The following MGRN1 variants were observed in gnomAD, a reference collection of about 807,000 sequenced individuals.
MGRN1 encodes E3 ubiquitin-protein ligase MGRN1.
Under a neutral mutation model 69.2 loss-of-function variants are expected in MGRN1, and 29 were observed. That is an observed-to-expected ratio of 0.42 (90% CI 0.31 to 0.57). The LOEUF (loss-of-function observed/expected upper bound fraction) is 0.57, where lower values mean the gene tolerates loss of function less well. Among genes scored for constraint, MGRN1 ranks in the 20% least tolerant of loss-of-function variants. MGRN1 has a pLI of 0.15. For missense variants in MGRN1, 998 were observed against 796.2 expected, an observed-to-expected ratio of 1.25 and a Z score of -3.05; for synonymous variants, 470 against 344.2, an observed-to-expected ratio of 1.37 and a Z score of -4.04.
chr16:4,666,921 C>G (rs1030712970), intron 7 of MGRN1, among the ~76,000 whole-genome samples: 3 of 152,212 alleles, frequency 2.0e-5, no homozygotes, highest in African/African-American at 7.2e-5. Context: ...GGGGTTGCTG[C>G]CCACCTGGCA....
At chr16:4,662,194 G>T (rs2078698113) in intron 5 of MGRN1, among the ~76,000 whole-genome samples, 1 of 152,144 alleles carries the variant, frequency 6.6e-6, no homozygotes, top group African/African-American at 2.4e-5. Context: ...ATGTTAGGAA[G>T]AAACATTTCC....
intron 1 of MGRN1, among the ~76,000 whole-genome samples, chr16:4,646,565 A>T (rs946253723): frequency 1.3e-5 from 2 of 152,006 alleles, no homozygotes; most frequent in East Asian, 3.9e-4. Context: ...GGACCTCTCC[A>T]TGGGGCTGCT....
chr16:4,683,783 A>AGGGACCTGCC (rs2079244052), intron 15 of MGRN1, 60 bp from the exon 16 acceptor site: 2 of 1,495,642 alleles, frequency 1.3e-6, no homozygotes, highest in Non-Finnish European at 1.8e-6. Context: ...TCCTGCCCAG[A>AGGGACCTGCC]GGGACCTGCC....
chr16:4,659,498 G>A (rs1313451240), intron 5 of MGRN1, among the ~76,000 whole-genome samples: 2 of 152,240 alleles, frequency 1.3e-5, no homozygotes, highest in African/African-American at 4.8e-5. Context: ...GAGGGGTACG[G>A]TGTTTAGGGC....
chr16:4,653,629 C>T (rs958553527), intron 4 of MGRN1, among the ~76,000 whole-genome samples: 1 of 152,008 alleles, frequency 6.6e-6, no homozygotes, highest in African/African-American at 2.4e-5. Flanking sequence ...GCTGGGACTA[C>T]AGGCACGTGC....
chr16:4,684,062 T>A, intron 16 of MGRN1, 130 bp downstream of exon 16: 1 of 812,542 alleles, frequency 1.2e-6, no homozygotes, highest in Non-Finnish European at 1.9e-6. Flanking sequence ...TCCCTGGCTC[T>A]CAGCCATGCC....
intron 8 of MGRN1, 84 bp downstream of exon 8, chr16:4,668,396 C>A: frequency 7.4e-7 from 1 of 1,358,724 alleles, no homozygotes. Context: ...TACATAGACA[C>A]ACACTCATAC....
At chr16:4,672,855 T>C (rs1054502077) in intron 9 of MGRN1, among the ~76,000 whole-genome samples, 4 of 152,246 alleles carry the variant, frequency 2.6e-5, no homozygotes, top group African/African-American at 9.6e-5. Context: ...TTGTTTGTTT[T>C]GAGATGGAGT....
chr16:4,678,392 G>T (rs1410244474), intron 11 of MGRN1, among the ~76,000 whole-genome samples: 1 of 152,228 alleles, frequency 6.6e-6, no homozygotes, highest in South Asian at 2.1e-4. Flanking sequence ...GAGAGACACA[G>T]GGAGAGGCAG....
At chr16:4,676,430 G>A (rs2079054600) in intron 10 of MGRN1, among the ~76,000 whole-genome samples, 1 of 152,202 alleles carries the variant, frequency 6.6e-6, no homozygotes, top group Admixed American at 6.5e-5. Flanking sequence ...GCCCTGAACC[G>A]AGTCCAATTC....
intron 5 of MGRN1, among the ~76,000 whole-genome samples, chr16:4,660,447 G>C (rs1377889773): frequency 6.6e-6 from 1 of 152,172 alleles, no homozygotes; most frequent in Non-Finnish European, 1.5e-5. Flanking sequence ...TTCCACACCA[G>C]TAAAGCACTG....
chr16:4,686,656 AG>A (rs1159642253), intron 16 of MGRN1: 28 of 1,110,730 alleles, frequency 2.5e-5, no homozygotes, highest in Non-Finnish European at 1.1e-5. Flanking sequence ...TGCGGGAGGC[AG>A]GAGCTTGAGG....
At chr16:4,625,149 C>CGGAGGGGGCCGAG in intron 1 of MGRN1, 101 bp downstream of exon 1, 1 of 1,117,628 alleles carries the variant, frequency 8.9e-7, no homozygotes, top group Non-Finnish European at 1.2e-6. Context: ...CTGCTCGGCC[C>CGGAGGGGGCCGAG]CCTCCGGGCC....
chr16:4,631,745 G>A (rs1898011321), intron 1 of MGRN1, among the ~76,000 whole-genome samples: 2 of 152,186 alleles, frequency 1.3e-5, no homozygotes, highest in South Asian at 4.1e-4. Flanking sequence ...TTTATAATTA[G>A]CCTGTCAATT....
At chr16:4,687,128 AC>A (rs2079341321) in intron 16 of MGRN1, 1 of 985,042 alleles carries the variant, frequency 1.0e-6, no homozygotes, top group Non-Finnish European at 1.2e-6. Flanking sequence ...CTGCCGACTC[AC>A]CTGTCCCTCC....
chr16:4,670,042 TATTTA>T (rs1030604336), intron 8 of MGRN1, among the ~76,000 whole-genome samples: 1 of 152,116 alleles, frequency 6.6e-6, no homozygotes, highest in Admixed American at 6.5e-5. Flanking sequence ...ATTTTTTAAA[TATTTA>T]ATTTAATTTT....
intron 1 of MGRN1, chr16:4,634,703 G>C (rs774694196): frequency 3.3e-5 from 5 of 152,372 alleles, no homozygotes; most frequent in Non-Finnish European, 7.3e-5. Flanking sequence ...GCGAGTGTTC[G>C]GTCATTTGCC....
At chr16:4,670,721 G>C (rs1156253950) in intron 8 of MGRN1, among the ~76,000 whole-genome samples, 1 of 152,106 alleles carries the variant, frequency 6.6e-6, no homozygotes. Flanking sequence ...ACAAAAGAGA[G>C]GTGCAGCAAA....
At chr16:4,678,788 T>C (rs1173841185) in intron 11 of MGRN1, among the ~76,000 whole-genome samples, 1 of 152,220 alleles carries the variant, frequency 6.6e-6, no homozygotes, top group East Asian at 1.9e-4. Context: ...GCTGCCTCTC[T>C]AAACAGAAAA....
Sources: gnomAD v4.1 joint callset for allele counts (sites outside exome capture counted in the v4.1 genomes callset) on GRCh38, gnomAD v4.1.1 for gene constraint, MANE v1.5 for transcripts, NCBI Gene and HGNC (gene_info 2026-07-23, HGNC 2026-07-21) for gene names.